CLASP2: variants seen among roughly 807,000 people sequenced by gnomAD.
The protein encoded by CLASP2 is CLIP-associating protein 2.
CLASP2 carries 47 observed loss-of-function variants against 194.4 expected under a neutral mutation model. The ratio of observed to expected loss-of-function variants is 0.24; its 90% CI spans 0.19 to 0.31. CLASP2 has a LOEUF of 0.31. Ranked by LOEUF, CLASP2 falls within the 10% of genes least tolerant of loss-of-function variation. The probability of loss-of-function intolerance (pLI) is 1.00; values close to 1 mark genes in which losing one functional copy is unlikely to be tolerated. For synonymous variants in CLASP2, 619 were observed against 633.5 expected, an observed-to-expected ratio of 0.98 and a Z score of 0.34; for missense variants, 1,445 against 1,823.6, an observed-to-expected ratio of 0.79 and a Z score of 3.78.
chr3:33,618,717 A>G (rs928659067), intron 12 of CLASP2, among the ~76,000 whole-genome samples: 8 of 152,212 alleles, frequency 5.3e-5, no homozygotes, highest in African/African-American at 1.7e-4. Context: ...TACATGTTCT[A>G]TATGTGTAGC....
intron 1 of CLASP2, among the ~76,000 whole-genome samples, chr3:33,712,224 GA>G (rs1326908248): frequency 2.0e-5 from 3 of 152,182 alleles, no homozygotes; most frequent in African/African-American, 7.2e-5. Flanking sequence ...CAACTTGGAT[GA>G]GCTGGAGGCC....
intron 34 of CLASP2, among the ~76,000 whole-genome samples, chr3:33,524,371 G>A (rs1015497557): frequency 1.3e-5 from 2 of 152,136 alleles, no homozygotes; most frequent in African/African-American, 2.4e-5. Flanking sequence ...GGCTGGGTGC[G>A]TTGGTGCATG....
chr3:33,538,136 G>A (rs1417641470), intron 33 of CLASP2, among the ~76,000 whole-genome samples: 3 of 111,148 alleles, frequency 2.7e-5, no homozygotes, highest in Admixed American at 9.8e-5. Context: ...GCGAGACTCC[G>A]TCTCAAAAAA....
At chr3:33,661,713 A>T (rs188497023) in intron 7 of CLASP2, among the ~76,000 whole-genome samples, 1 of 152,310 alleles carries the variant, frequency 6.6e-6, no homozygotes, top group Admixed American at 6.5e-5. Context: ...CAGGCTAACA[A>T]GTCTAGACCT....
chr3:33,697,469 A>C (rs1464741881), intron 1 of CLASP2, among the ~76,000 whole-genome samples: 1 of 152,240 alleles, frequency 6.6e-6, no homozygotes, highest in Non-Finnish European at 1.5e-5. Flanking sequence ...ATGCAAGCAC[A>C]ACATTGCAAC....
In CLASP2 at chr3:33,696,837, TAAAC is replaced by T. The variant is rs986966361; in HGVS notation, c.274+14_274+17del. On this transcript the variant is annotated intron_variant, in intron 2 of 38. Coordinates refer to ENST00000682230, the MANE Select transcript of CLASP2 (RefSeq NM_001365631.1). ...GTCAAATCTTATTTAGAATTGTAAA[TAAAC>T]AAAGTTAACTTACCCATTGCTACAT... is the stretch of plus-strand genomic sequence containing the variant. The T allele has an allele frequency of 1.1e-5, 16 of 1,480,684 alleles. No homozygotes were observed. Among genetic ancestry groups the T allele is most frequent in the East Asian group, 4.7e-5 (2 of 42,864 alleles). 91.7% of individuals were successfully genotyped at this position (1,480,684 alleles called of 1,614,324 possible).
At chr3:33,545,787 G>C (rs1261086316) in intron 30 of CLASP2, among the ~76,000 whole-genome samples, 4 of 151,984 alleles carry the variant, frequency 2.6e-5, no homozygotes, top group Non-Finnish European at 5.9e-5. Context: ...GTGTGTGCTT[G>C]TAATCCCAGC....
intron 16 of CLASP2, among the ~76,000 whole-genome samples, chr3:33,605,983 G>A (rs893976765): frequency 3.3e-5 from 5 of 152,212 alleles, no homozygotes; most frequent in East Asian, 3.9e-4. Flanking sequence ...AAGAGGTCAC[G>A]AAGAGGGACA....
chr3:33,533,402 A>G (rs2056720022), intron 34 of CLASP2, among the ~76,000 whole-genome samples: 1 of 152,232 alleles, frequency 6.6e-6, no homozygotes, highest in Non-Finnish European at 1.5e-5. Flanking sequence ...ATTAAAGAGA[A>G]GGTAACAAAA....
intron 30 of CLASP2, among the ~76,000 whole-genome samples, chr3:33,546,737 C>G (rs1008557811): frequency 6.6e-6 from 1 of 152,176 alleles, no homozygotes; most frequent in Non-Finnish European, 1.5e-5. Flanking sequence ...CTCCCTTATA[C>G]TAGCCCATTT....
intron 6 of CLASP2, among the ~76,000 whole-genome samples, chr3:33,676,890 G>T (rs1284663391): frequency 6.6e-6 from 1 of 152,078 alleles, no homozygotes; most frequent in Non-Finnish European, 1.5e-5. Context: ...AAAAGTGGGC[G>T]AAGGATATGA....
At chr3:33,632,454 T>TTTG in intron 8 of CLASP2, 83 bp from the exon 9 acceptor site, 4 of 930,806 alleles carry the variant, frequency 4.3e-6, no homozygotes, top group Non-Finnish European at 6.4e-6. Flanking sequence ...ATAAAACTCT[T>TTTG]TTGATATCAA....
chr3:33,624,464 C>A (rs1033649788), intron 10 of CLASP2, among the ~76,000 whole-genome samples: 1 of 152,020 alleles, frequency 6.6e-6, no homozygotes, highest in Non-Finnish European at 1.5e-5. Flanking sequence ...AGATGATACA[C>A]AAAGAACGAC....
chr3:33,663,202 A>C (rs1379192725), intron 7 of CLASP2, among the ~76,000 whole-genome samples: 1 of 150,714 alleles, frequency 6.6e-6, no homozygotes, highest in Non-Finnish European at 1.5e-5. Flanking sequence ...ATCACCAAAA[A>C]AAAAAAAAAA....
At chr3:33,538,244 G>T (rs972255880) in intron 33 of CLASP2, among the ~76,000 whole-genome samples, 2 of 152,052 alleles carry the variant, frequency 1.3e-5, no homozygotes, top group African/African-American at 2.4e-5. Flanking sequence ...ACTATACAAA[G>T]CTTGTTCCCA....
intron 2 of CLASP2, 94 bp downstream of exon 2, chr3:33,696,761 T>A: frequency 1.1e-6 from 1 of 882,966 alleles, no homozygotes. Context: ...ATTTTTTTAA[T>A]TTACAGAGAA....
At chr3:33,629,219 G>T (rs2078611992) in intron 9 of CLASP2, among the ~76,000 whole-genome samples, 1 of 152,152 alleles carries the variant, frequency 6.6e-6, no homozygotes, top group African/African-American at 2.4e-5. Flanking sequence ...AAGATATGGA[G>T]TCCAGTGAGA....
chr3:33,631,234 T>C (rs2079028571), intron 9 of CLASP2, among the ~76,000 whole-genome samples: 1 of 152,198 alleles, frequency 6.6e-6, no homozygotes, highest in Middle Eastern at 3.2e-3. Flanking sequence ...GGCAAGGATA[T>C]GATGAAATTA....
chr3:33,630,540 C>T (rs4283530), intron 9 of CLASP2, among the ~76,000 whole-genome samples: 40,272 of 147,100 alleles, frequency 0.27, 5,860 homozygotes, highest in Admixed American at 0.38. Flanking sequence ...TAATAAACAG[C>T]TTTATCTTTA....
Sources: gnomAD v4.1 joint callset for allele counts (sites outside exome capture counted in the v4.1 genomes callset) on GRCh38, gnomAD v4.1.1 for gene constraint, MANE v1.5 for transcripts, NCBI Gene and HGNC (gene_info 2026-07-23, HGNC 2026-07-21) for gene names.